ASB2: variants seen among roughly 807,000 people sequenced by gnomAD.
ASB2 encodes the protein ankyrin repeat and SOCS box protein 2.
Under a neutral mutation model 62.4 loss-of-function variants are expected in ASB2, and 58 were observed. That is an observed-to-expected ratio of 0.93 (90% CI 0.75 to 1.16). The LOEUF is 1.16. ASB2 is among the 50% of genes most tolerant of loss of function. The pLI, the probability that ASB2 is intolerant of heterozygous loss-of-function variation, is 0.00. For synonymous variants in ASB2, 386 were observed against 385.3 expected (o/e 1.00, Z -0.02); for missense variants, 928 against 887.9 (o/e 1.05, Z -0.57).
chr14:93,959,862 G>C (rs1248704985), intron 2 of ASB2, among the ~76,000 whole-genome samples: 3 of 152,120 alleles, frequency 2.0e-5, no homozygotes, highest in African/African-American at 7.2e-5. Flanking sequence ...GGCTGGGCCT[G>C]GCTGAATGCA....
intron 7 of ASB2, chr14:93,943,863 G>C (rs1021287204): frequency 2.2e-6 from 1 of 450,426 alleles, no homozygotes; most frequent in Non-Finnish European, 4.5e-6. Context: ...AATGTGTTAA[G>C]TGTTCTCTAT....
At position 93,951,111 on chromosome 14, in the gene ASB2, G is replaced by T. The variant is rs1888948529; in HGVS notation, c.768C>A (p.Ile256=). 6.2e-7 allele frequency: 1 copy of T among 1,614,224 alleles called. No individual in the cohort carries two copies. Among genetic ancestry groups the T allele is most frequent in the Non-Finnish European group, 8.5e-7 (1 of 1,180,050 alleles). Residue 256 remains isoleucine, a synonymous_variant, in exon 6 of 10, where the codon ATC becomes ATA. Transcript: ENST00000555019. ...VSRNDLEVMQ[I]LVSGGAKVES... Reference sequence around the variant, plus strand: ...CCACCTTGGCTCCTCCGCTCACCAGGATCTGCATGACCTCCAGGTCATTGC... The same window carrying T: ...CCACCTTGGCTCCTCCGCTCACCAGTATCTGCATGACCTCCAGGTCATTGC...
intron 7 of ASB2, 143 bp from the exon 8 acceptor site, chr14:93,939,815 G>T (rs1001376496): frequency 2.8e-5 from 17 of 601,470 alleles, no homozygotes; most frequent in Non-Finnish European, 4.2e-5. Context: ...CACCGGCAGG[G>T]GGCGCCGCGG....
intron 9 of ASB2, 21 bp downstream of exon 9, chr14:93,937,677 G>A (rs772250640): frequency 1.9e-6 from 3 of 1,591,992 alleles, no homozygotes; most frequent in African/African-American, 1.3e-5. Flanking sequence ...GCCAGCCTTG[G>A]CAGCAGCAGC....
At chr14:93,956,324 G>A (rs1889200027) in intron 3 of ASB2, among the ~76,000 whole-genome samples, 1 of 152,196 alleles carries the variant, frequency 6.6e-6, no homozygotes, top group South Asian at 2.1e-4. Flanking sequence ...CATTTTGGAT[G>A]TACCCACAGC....
At chr14:93,974,242 CAGAT>C (rs1486363537) in intron 1 of ASB2, among the ~76,000 whole-genome samples, 4 of 152,168 alleles carry the variant, frequency 2.6e-5, no homozygotes, top group Non-Finnish European at 5.9e-5. Flanking sequence ...TTTTAAAAAA[CAGAT>C]AGTTTAGGAA....
intron 2 of ASB2, among the ~76,000 whole-genome samples, chr14:93,959,400 C>T (rs759466084): frequency 7.9e-5 from 12 of 152,172 alleles, no homozygotes; most frequent in East Asian, 1.9e-4. Flanking sequence ...GCAAGGCGAC[C>T]GCTCAGAGTT....
At chr14:93,945,235 T>C (rs1228556562) in intron 7 of ASB2, among the ~76,000 whole-genome samples, 2 of 152,216 alleles carry the variant, frequency 1.3e-5, no homozygotes, top group Non-Finnish European at 2.9e-5. Flanking sequence ...CCACTTCCCG[T>C]GTGTTCACTC....
At position 93,937,814 on chromosome 14, in the gene ASB2, C is replaced by T. The variant is rs1395907592; in HGVS notation, c.1655G>A (p.Trp552Ter). The change falls in exon 9 of 10, where the codon TGG becomes TAG. Residue 552 changes from tryptophan to a stop codon, truncating the protein, a stop_gained. Transcript: ENST00000555019. LOFTEE classifies it high-confidence loss of function. The part of the protein sequence containing the change: ...EFVSAPEVSR[W>*]AGPIIDVLLD... Reference sequence around the variant, plus strand: ...GAGGACATCGATGATGGGCCCCGCCCAGCGGCTCACCTCTGGGGCAGATAC... The same window carrying T: ...GAGGACATCGATGATGGGCCCCGCCTAGCGGCTCACCTCTGGGGCAGATAC... 6.2e-7 allele frequency: 1 copy of T among 1,610,042 alleles called. No individual in the cohort carries two copies. Among genetic ancestry groups the T allele is most frequent in the East Asian group, 2.2e-5 (1 of 44,736 alleles).
intron 7 of ASB2, chr14:93,940,222 G>A (rs1332202052): frequency 6.5e-6 from 1 of 153,604 alleles, no homozygotes; most frequent in Non-Finnish European, 1.4e-5. Flanking sequence ...GGGACAGCCA[G>A]ATCCCAGAGC....
intron 1 of ASB2, among the ~76,000 whole-genome samples, chr14:93,971,434 C>T (rs958126859): frequency 2.0e-5 from 3 of 152,210 alleles, no homozygotes; most frequent in African/African-American, 4.8e-5. Flanking sequence ...AATTTCTGCA[C>T]GAGGTGACTG....
At position 93,947,422 on chromosome 14, in the gene ASB2, C is replaced by G. The variant is rs772803141; in HGVS notation, c.979G>C (p.Gly327Arg). ...TTGTTGGTCTTGTTGGCGTCGGCAC[C>G]CTGTGACAGCAGAAACTCCACCACC... ...EEVVEFLLSQ[G>R]ADANKTNKDG... The change falls in exon 7 of 10, where the codon GGT (glycine) becomes CGT (arginine). Residue 327 changes from glycine to arginine, a missense_variant. By Grantham distance (125) the Gly-to-Arg change is moderately radical. Transcript: ENST00000555019. 2 of 1,614,106 alleles carry G rather than the reference C, an allele frequency of 1.2e-6. No homozygotes were observed. Among genetic ancestry groups the G allele is most frequent in the South Asian group, 2.2e-5 (2 of 91,094 alleles).
chr14:93,942,701 C>T (rs902547291), intron 7 of ASB2, among the ~76,000 whole-genome samples: 1 of 152,214 alleles, frequency 6.6e-6, no homozygotes, highest in African/African-American at 2.4e-5. Flanking sequence ...AGGGGCCCAG[C>T]ATGGGCAGTG....
At position 93,939,260 on chromosome 14, in the gene ASB2, G is replaced by A. The variant is rs553306140; in HGVS notation, c.1465C>T (p.Leu489=). ...TCCATGAGGAACTTGAGCAGCGACAGGCACTTCATGGCGAACATGATGGTG... is the reference window on the plus strand; with the variant it reads ...TCCATGAGGAACTTGAGCAGCGACAAGCACTTCATGGCGAACATGATGGTG... ...PATIMFAMKC[L]SLLKFLMDLG... The change falls in exon 8 of 10, where the codon CTG becomes TTG. Residue 489 remains leucine, a synonymous_variant. Coordinates refer to ENST00000555019, the MANE Select transcript of ASB2 (RefSeq NM_001202429.2). 9.3e-6 allele frequency: 15 copies of A among 1,609,722 alleles called. No homozygotes were observed. In the African/African-American group the frequency reaches 2.0e-4, roughly 21 times the overall value.
rs1378905144 is a variant in ASB2, at chr14:93,956,755, G to A, written c.311+11C>T. ...CTTGGATGGTCCTGGGGCCAGACAG[G>A]AGTCACTTACGCCAGCTGGGAGGTC... On this transcript the variant is annotated intron_variant, in intron 3 of 9. Transcript: ENST00000555019. 1.2e-6 allele frequency: 2 copies of A among 1,613,968 alleles called. No individual in the cohort carries two copies. The highest frequency in any genetic ancestry group is 1.7e-6 in the Non-Finnish European group (2 of 1,180,004).
At chr14:93,950,898 A>G (rs1888928964) in intron 6 of ASB2, 101 bp downstream of exon 6, 1 of 1,330,070 alleles carries the variant, frequency 7.5e-7, no homozygotes, top group Admixed American at 2.1e-5. Context: ...CAGTGTGCGC[A>G]CAAGATGACC....
Position 93,956,882 on chromosome 14 carries a change from A to G in ASB2, c.207-12T>C, listed in dbSNP as rs781341214. The stretch of plus-strand genomic sequence containing the variant: ...GAGGTGCAGTGGACCTGGAGGGTGC[A>G]GAGCAGGAGTGAAAGAGGGAAAAGT... On this transcript the variant is annotated splice_polypyrimidine_tract_variant and intron_variant, in intron 2 of 9. Transcript: ENST00000555019. The G allele has an allele frequency of 6.2e-7, 1 of 1,614,112 alleles. No individual in the cohort carries two copies. The highest frequency in any genetic ancestry group is 1.7e-5 in the Admixed American group (1 of 60,022).
chr14:93,938,292 T>G (rs907467768), intron 8 of ASB2, among the ~76,000 whole-genome samples: 4 of 134,096 alleles, frequency 3.0e-5, no homozygotes, highest in Admixed American at 2.6e-4. Context: ...CAGGCTGGAG[T>G]GCAGTGGCGC....
At chr14:93,947,289 C>A in intron 7 of ASB2, 60 bp downstream of exon 7, 1 of 1,584,250 alleles carries the variant, frequency 6.3e-7, no homozygotes, top group South Asian at 1.1e-5. Context: ...CCCTCCAATC[C>A]CCTACTCCCA....
Sources: allele counts gnomAD v4.1 joint callset (sites outside exome capture counted in the v4.1 genomes callset), GRCh38; gene constraint gnomAD v4.1.1; transcripts MANE v1.5; gene names NCBI Gene and HGNC (gene_info 2026-07-23, HGNC 2026-07-21).